The following IMMP2L variants were observed in gnomAD, a reference collection of about 807,000 sequenced individuals.
The protein encoded by IMMP2L is inner mitochondrial membrane peptidase subunit 2, also known as mitochondrial inner membrane protease subunit 2.
Under a neutral mutation model 19.3 loss-of-function variants are expected in IMMP2L, and 18 were observed. The observed-to-expected ratio is 0.93, with a 90% CI of 0.64 to 1.38. IMMP2L has a LOEUF of 1.38. Ranked by LOEUF, IMMP2L falls within the 40% of genes most tolerant of loss-of-function variation. The pLI is 0.00. For synonymous variants in IMMP2L, 76 were observed against 73.0 expected (o/e 1.04, Z -0.21); for missense variants, 233 against 218.2 (o/e 1.07, Z -0.43).
intron 3 of IMMP2L, among the ~76,000 whole-genome samples, chr7:111,387,177 A>T (rs891970787): frequency 2.0e-5 from 3 of 152,138 alleles, no homozygotes; most frequent in Non-Finnish European, 4.4e-5. Context: ...TACCCACAGG[A>T]TTTGAGGCTT....
At chr7:110,799,934 G>A (rs1481584458) in intron 5 of IMMP2L, among the ~76,000 whole-genome samples, 1 of 152,026 alleles carries the variant, frequency 6.6e-6, no homozygotes, top group Admixed American at 6.6e-5. Context: ...GACAATGAGG[G>A]TGAATTCTGA....
chr7:111,545,050 C>T (rs961758337), intron 1 of IMMP2L, among the ~76,000 whole-genome samples: 24 of 151,222 alleles, frequency 1.6e-4, no homozygotes, highest in African/African-American at 5.4e-4. Context: ...GTCAGACTCA[C>T]ACACACACAT....
At chr7:111,138,869 C>T (rs1802600006) in intron 3 of IMMP2L, among the ~76,000 whole-genome samples, 1 of 152,096 alleles carries the variant, frequency 6.6e-6, no homozygotes, top group East Asian at 1.9e-4. Flanking sequence ...ATAAAACTTA[C>T]TTGTAAAACC....
At chr7:111,503,786 ACT>A (rs1844574389) in intron 2 of IMMP2L, among the ~76,000 whole-genome samples, 1 of 152,010 alleles carries the variant, frequency 6.6e-6, no homozygotes, top group Non-Finnish European at 1.5e-5. Flanking sequence ...CATGCTAAAA[ACT>A]CTCAATAAAT....
At chr7:111,049,177 C>T (rs1251653727) in intron 3 of IMMP2L, among the ~76,000 whole-genome samples, 5 of 122,706 alleles carry the variant, frequency 4.1e-5, no homozygotes, top group Non-Finnish European at 6.3e-5. Flanking sequence ...GTCGCCCAGG[C>T]TGGAGTGCAG....
chr7:111,395,295 C>A (rs1003123818), intron 3 of IMMP2L, among the ~76,000 whole-genome samples: 1 of 152,176 alleles, frequency 6.6e-6, no homozygotes, highest in African/African-American at 2.4e-5. Flanking sequence ...CTCTTCTACC[C>A]TCTGCCATTT....
intron 3 of IMMP2L, among the ~76,000 whole-genome samples, chr7:111,035,379 A>G (rs1791234387): frequency 6.6e-6 from 1 of 152,214 alleles, no homozygotes; most frequent in Admixed American, 6.5e-5. Context: ...AATAGAAGAT[A>G]ACTCTAAACA....
At chr7:111,383,473 T>C (rs1360799999) in intron 3 of IMMP2L, among the ~76,000 whole-genome samples, 1 of 152,028 alleles carries the variant, frequency 6.6e-6, no homozygotes, top group African/African-American at 2.4e-5. Context: ...ATTGAATGAG[T>C]GAAGAGTATT....
chr7:111,071,690 G>C (rs1794965089), intron 3 of IMMP2L, among the ~76,000 whole-genome samples: 2 of 151,966 alleles, frequency 1.3e-5, no homozygotes, highest in Admixed American at 6.5e-5. Flanking sequence ...AATTCACAGA[G>C]ACAAAAAGCA....
At chr7:111,437,848 T>C (rs913346953) in intron 3 of IMMP2L, among the ~76,000 whole-genome samples, 2 of 151,926 alleles carry the variant, frequency 1.3e-5, no homozygotes, top group Non-Finnish European at 2.9e-5. Flanking sequence ...ATTACAGTTA[T>C]GCAGTGCACA....
chr7:111,199,741 C>T (rs1337704913), intron 3 of IMMP2L, among the ~76,000 whole-genome samples: 1 of 152,062 alleles, frequency 6.6e-6, no homozygotes, highest in Non-Finnish European at 1.5e-5. Context: ...GTTAAAATTA[C>T]AATCTTATGA....
At chr7:110,895,493 C>G (rs975995332) in intron 4 of IMMP2L, among the ~76,000 whole-genome samples, 14 of 152,130 alleles carry the variant, frequency 9.2e-5, no homozygotes, top group African/African-American at 3.1e-4. Context: ...TTTCCAAACC[C>G]CTTTGGCTAT....
chr7:111,421,267 CTTTTTTTT>C (rs1227013257), intron 3 of IMMP2L, among the ~76,000 whole-genome samples: 3 of 122,916 alleles, frequency 2.4e-5, no homozygotes, highest in Non-Finnish European at 1.7e-5. Context: ...TTGTTTTTTT[CTTTTTTTT>C]TTTTTTTTTT....
intron 5 of IMMP2L, among the ~76,000 whole-genome samples, chr7:110,823,775 TG>T (rs1219062136): frequency 1.3e-5 from 2 of 152,116 alleles, no homozygotes; most frequent in Non-Finnish European, 2.9e-5. Context: ...AAAAAAATTC[TG>T]AAGATTTTAA....
chr7:111,105,411 ACAC>A (rs1307219635), intron 3 of IMMP2L, among the ~76,000 whole-genome samples: 2 of 151,892 alleles, frequency 1.3e-5, no homozygotes, highest in African/African-American at 2.4e-5. Flanking sequence ...ATAGAACAAT[ACAC>A]CACAACAGTA....
intron 3 of IMMP2L, among the ~76,000 whole-genome samples, chr7:111,266,640 T>C (rs1817870001): frequency 6.6e-6 from 1 of 152,024 alleles, no homozygotes; most frequent in African/African-American, 2.4e-5. Flanking sequence ...TAAAGTGCAT[T>C]TCCCTCATCT....
intron 5 of IMMP2L, among the ~76,000 whole-genome samples, chr7:110,862,563 C>T (rs1280460556): frequency 6.6e-6 from 1 of 151,418 alleles, no homozygotes; most frequent in Non-Finnish European, 1.5e-5. Context: ...GCAGGCTGGC[C>T]TCAAACTCCT....
chr7:111,036,916 G>T lies in IMMP2L; in HGVS notation c.240-73351C>A, dbSNP rs143381900. ...ACCATGTGGGTTTTGCAATTAAAAA[G>T]AAATATTTTTGTTTATTAATGTTTT... On this transcript the variant is annotated intron_variant, in intron 3 of 5. Coordinates refer to ENST00000405709, the MANE Select transcript of IMMP2L (RefSeq NM_032549.4). 5.0e-4 allele frequency among the ~76,000 whole-genome samples: 76 copies of T among 152,148 alleles called. No individual in the cohort carries two copies. In the East Asian group the frequency reaches 0.013, roughly 26 times the overall value.
intron 3 of IMMP2L, among the ~76,000 whole-genome samples, chr7:111,327,410 A>G (rs1365748587): frequency 1.3e-5 from 2 of 151,752 alleles, no homozygotes; most frequent in African/African-American, 4.8e-5. Context: ...CTGTAACTAA[A>G]TAATTTCTAC....
Sources: gnomAD v4.1 joint callset for allele counts (sites outside exome capture counted in the v4.1 genomes callset) on GRCh38, gnomAD v4.1.1 for gene constraint, MANE v1.5 for transcripts, NCBI Gene and HGNC (gene_info 2026-07-23, HGNC 2026-07-21) for gene names.